Variants in AFG2A observed in about 807,000 individuals in gnomAD.
AFG2A encodes AAA ATPase AFG2A.
At chr4:123,255,715 C>CTTTTTTTTTTTTTTTTTTTT in the AFG2A span, among the ~76,000 whole-genome samples, 2 of 103,910 alleles carry the variant, frequency 1.9e-5, 1 homozygote, top group African/African-American at 7.2e-5. Context: ...TACTGCTTTT[C>CTTTTTTTTTTTTTTTTTTTT]TATTTTTTTT....
the AFG2A span, among the ~76,000 whole-genome samples, chr4:122,981,328 G>T: frequency 6.8e-6 from 1 of 146,310 alleles, no homozygotes; most frequent in Admixed American, 7.0e-5. Flanking sequence ...TCAATTGACT[G>T]TACATGCGTG....
chr4:122,924,376 C>G, the AFG2A span, among the ~76,000 whole-genome samples: 2 of 152,198 alleles, frequency 1.3e-5, no homozygotes, highest in African/African-American at 4.8e-5. Flanking sequence ...TCCACCCCAT[C>G]ATTCCATGGA....
the AFG2A span, among the ~76,000 whole-genome samples, chr4:123,272,213 A>G: frequency 6.6e-6 from 1 of 152,158 alleles, no homozygotes; most frequent in Non-Finnish European, 1.5e-5. Flanking sequence ...TTTCAAAGAC[A>G]GTTGTTGACA....
the AFG2A span, among the ~76,000 whole-genome samples, chr4:123,170,188 C>A: frequency 6.6e-6 from 1 of 152,192 alleles, no homozygotes; most frequent in Admixed American, 6.5e-5. Flanking sequence ...CTAATTACCT[C>A]CTTTTCCTAA....
At chr4:123,059,796 C>T in the AFG2A span, among the ~76,000 whole-genome samples, 1 of 151,826 alleles carries the variant, frequency 6.6e-6, no homozygotes, top group Admixed American at 6.6e-5. Flanking sequence ...CCTATTTCTC[C>T]ACATCCTCTC....
the AFG2A span, chr4:122,938,366 T>A: frequency 8.5e-7 from 1 of 1,175,108 alleles, no homozygotes; most frequent in Non-Finnish European, 1.1e-6. Context: ...AGGAAAAATA[T>A]TAGCCATAGC....
the AFG2A span, among the ~76,000 whole-genome samples, chr4:123,119,371 C>A: frequency 1.3e-5 from 2 of 152,028 alleles, no homozygotes; most frequent in Non-Finnish European, 2.9e-5. Context: ...AACAAGAAAG[C>A]AAAGGTTACG....
chr4:123,064,609 A>C, the AFG2A span, among the ~76,000 whole-genome samples: 5 of 152,222 alleles, frequency 3.3e-5, no homozygotes, highest in African/African-American at 1.2e-4. Flanking sequence ...TCCTGTCATC[A>C]AAAGTGCAGA....
the AFG2A span, among the ~76,000 whole-genome samples, chr4:123,006,426 T>C: frequency 3.3e-5 from 5 of 152,268 alleles, 1 homozygote; most frequent in Admixed American, 2.6e-4. Context: ...TATTTGAGCT[T>C]ACAGTGTTAG....
At chr4:122,997,293 C>T in the AFG2A span, among the ~76,000 whole-genome samples, 2 of 152,152 alleles carry the variant, frequency 1.3e-5, no homozygotes, top group Non-Finnish European at 2.9e-5. Context: ...AAAAGAAACC[C>T]TGTGCCCTGT....
chr4:123,057,680 T>G, the AFG2A span, among the ~76,000 whole-genome samples: 1 of 152,162 alleles, frequency 6.6e-6, no homozygotes, highest in African/African-American at 2.4e-5. Flanking sequence ...GTTACACAGA[T>G]TTTAAAATTC....
At chr4:123,035,461 T>C in the AFG2A span, among the ~76,000 whole-genome samples, 1 of 152,200 alleles carries the variant, frequency 6.6e-6, no homozygotes, top group Non-Finnish European at 1.5e-5. Flanking sequence ...AACATCAATA[T>C]TAAACAAAGA....
chr4:123,284,290 T>A, the AFG2A span, among the ~76,000 whole-genome samples: 1 of 152,212 alleles, frequency 6.6e-6, no homozygotes, highest in Non-Finnish European at 1.5e-5. Flanking sequence ...TAAAATCACT[T>A]TCACATGGGG....
the AFG2A span, chr4:122,933,316 G>A: frequency 1.4e-6 from 1 of 711,070 alleles, no homozygotes; most frequent in Non-Finnish European, 2.3e-6. Context: ...TTATTTTAAG[G>A]TTGCAGGTGG....
At chr4:123,002,389 C>A in the AFG2A span, among the ~76,000 whole-genome samples, 6 of 152,160 alleles carry the variant, frequency 3.9e-5, no homozygotes, top group Non-Finnish European at 7.3e-5. Flanking sequence ...GATGCAGTTT[C>A]TTCCTAGTCT....
At chr4:123,062,409 C>G in the AFG2A span, among the ~76,000 whole-genome samples, 24 of 152,078 alleles carry the variant, frequency 1.6e-4, no homozygotes, top group Non-Finnish European at 3.1e-4. Context: ...CATCATATTA[C>G]CAGCCTTTAT....
the AFG2A span, among the ~76,000 whole-genome samples, chr4:122,924,735 G>C: frequency 1.3e-5 from 2 of 151,540 alleles, no homozygotes; most frequent in African/African-American, 4.9e-5. Flanking sequence ...TTGTTTTTGC[G>C]CCTTGATGTG....
At chr4:122,953,229 G>A in the AFG2A span, among the ~76,000 whole-genome samples, 2 of 152,304 alleles carry the variant, frequency 1.3e-5, no homozygotes, top group East Asian at 3.9e-4. Context: ...GGAGGGTCAA[G>A]CCTGATAAGA....
At chr4:122,923,351 T>A in the AFG2A span, 1 of 1,609,532 alleles carries the variant, frequency 6.2e-7, no homozygotes, top group East Asian at 2.2e-5. Flanking sequence ...GGGCGCAACC[T>A]GAGGGGCGGG....
Sources: allele counts gnomAD v4.1 joint callset (sites outside exome capture counted in the v4.1 genomes callset), GRCh38; gene constraint gnomAD v4.1.1; transcripts MANE v1.5; gene names NCBI Gene and HGNC (gene_info 2026-07-23, HGNC 2026-07-21).